Variants in SH3RF1 observed in about 807,000 individuals in gnomAD.
The protein encoded by SH3RF1 is SH3 domain containing ring finger 1.
SH3RF1 carries 32 observed loss-of-function variants against 74.0 expected under a neutral mutation model. The ratio of observed to expected loss-of-function variants is 0.43; its 90% confidence interval spans 0.33 to 0.58. SH3RF1 has a LOEUF of 0.58. SH3RF1 is among the 20% of genes least tolerant of loss of function. The probability of loss-of-function intolerance (pLI) is 0.05; values close to 1 mark genes in which losing one functional copy is unlikely to be tolerated. For missense variants in SH3RF1, 954 were observed against 1,130.9 expected (o/e 0.84, Z 2.24); for synonymous variants, 396 against 439.6 (o/e 0.90, Z 1.24).
intron 2 of SH3RF1, among the ~76,000 whole-genome samples, chr4:169,232,923 A>G (rs1349487304): frequency 7.2e-5 from 11 of 152,158 alleles, no homozygotes. Flanking sequence ...CTGGTTGTAA[A>G]TATCAAGCCT....
chr4:169,130,218 C>T (rs1733592324), intron 5 of SH3RF1, 62 bp from the exon 6 acceptor site: 5 of 1,141,374 alleles, frequency 4.4e-6, no homozygotes, highest in Non-Finnish European at 5.9e-6. Context: ...AATATACTGG[C>T]TAAACCTTAG....
At chr4:169,231,289 TG>T (rs1469764916) in intron 2 of SH3RF1, among the ~76,000 whole-genome samples, 3 of 152,292 alleles carry the variant, frequency 2.0e-5, no homozygotes, top group Non-Finnish European at 4.4e-5. Flanking sequence ...GAAAATAAGT[TG>T]GGTGTGGTGG....
chr4:169,193,429 G>C (rs1279833315), intron 2 of SH3RF1, among the ~76,000 whole-genome samples: 1 of 152,148 alleles, frequency 6.6e-6, no homozygotes, highest in Admixed American at 6.6e-5. Flanking sequence ...TCCACCCCCA[G>C]AGAGTTATTT....
chr4:169,223,309 T>C (rs1232719753), intron 2 of SH3RF1, among the ~76,000 whole-genome samples: 3 of 151,980 alleles, frequency 2.0e-5, no homozygotes, highest in Non-Finnish European at 4.4e-5. Flanking sequence ...GCAGCACATA[T>C]AATAAGAAAT....
chr4:169,150,760 G>A (rs1304521348), intron 4 of SH3RF1, among the ~76,000 whole-genome samples: 1 of 152,150 alleles, frequency 6.6e-6, no homozygotes, highest in African/African-American at 2.4e-5. Flanking sequence ...TGGAAACTGT[G>A]AGGAATCCTG....
At chr4:169,107,307 T>G (rs902756173) in intron 10 of SH3RF1, 102 bp from the exon 11 acceptor site, 2 of 1,146,168 alleles carry the variant, frequency 1.7e-6, no homozygotes, top group Non-Finnish European at 2.4e-6. Context: ...AATTTTTAAT[T>G]TTAATTTTTG....
chr4:169,130,428 G>A (rs1401666207), intron 5 of SH3RF1, among the ~76,000 whole-genome samples: 1 of 152,046 alleles, frequency 6.6e-6, no homozygotes, highest in African/African-American at 2.4e-5. Context: ...GGCTTTCACG[G>A]TAACACATTG....
At chr4:169,135,210 A>C (rs943597885) in intron 5 of SH3RF1, among the ~76,000 whole-genome samples, 1 of 149,476 alleles carries the variant, frequency 6.7e-6, no homozygotes, top group African/African-American at 2.4e-5. Flanking sequence ...GCTGAGAAAA[A>C]AATGGCAAGG....
At chr4:169,130,576 A>G (rs1411988995) in intron 5 of SH3RF1, among the ~76,000 whole-genome samples, 1 of 152,200 alleles carries the variant, frequency 6.6e-6, no homozygotes, top group African/African-American at 2.4e-5. Context: ...TCAATACGTT[A>G]AATCTATGTG....
chr4:169,139,135 G>A (rs1359101819), intron 4 of SH3RF1, among the ~76,000 whole-genome samples: 1 of 152,122 alleles, frequency 6.6e-6, no homozygotes, highest in East Asian at 1.9e-4. Flanking sequence ...TAGCAATGAG[G>A]TCTCATTATG....
At chr4:169,178,512 T>G (rs751663472) in intron 2 of SH3RF1, among the ~76,000 whole-genome samples, 1 of 152,082 alleles carries the variant, frequency 6.6e-6, no homozygotes, top group Admixed American at 6.5e-5. Flanking sequence ...AAGCCAAGAC[T>G]TGGGCCCAGA....
intron 2 of SH3RF1, among the ~76,000 whole-genome samples, chr4:169,200,808 A>G (rs969103976): frequency 1.3e-5 from 2 of 152,212 alleles, no homozygotes; most frequent in Non-Finnish European, 2.9e-5. Context: ...TGAGACAGGT[A>G]TATCAGATTC....
rs114928344 is a variant in SH3RF1 at position 169,235,970 on chromosome 4, C to T, written c.393+32850G>A. Among the ~76,000 whole-genome samples, 678 of 152,294 alleles carry T rather than the reference C, an allele frequency of 4.5e-3. 5 individuals carry two copies. Among genetic ancestry groups the T allele is most frequent in the African/African-American group, 0.015 (618 of 41,548 alleles). ...TGCTGGGATTATAGGCGTGAGCCAC[C>T]GTGCCTGGCCTACTTAATTTCTTTC... On this transcript the variant is annotated intron_variant, in intron 2 of 11. Transcript: ENST00000284637.
chr4:169,154,515 C>T (rs1478029865), intron 4 of SH3RF1, among the ~76,000 whole-genome samples: 1 of 152,162 alleles, frequency 6.6e-6, no homozygotes, highest in African/African-American at 2.4e-5. Flanking sequence ...ATATTTTAAA[C>T]AACCAGATTA....
At chr4:169,203,178 A>G (rs1346541773) in intron 2 of SH3RF1, among the ~76,000 whole-genome samples, 2 of 152,216 alleles carry the variant, frequency 1.3e-5, no homozygotes, top group African/African-American at 4.8e-5. Context: ...ACATTCACAT[A>G]GCTGCTAAAG....
chr4:169,187,509 C>T lies in SH3RF1; in HGVS notation c.394-30830G>A, dbSNP rs182054390. ...AGACTACAGTATATTTTCTTTACAA[C>T]GAATTTCTGTGTGTGTGTGTGTGTG... On this transcript the variant is annotated intron_variant, in intron 2 of 11. Transcript: ENST00000284637. Among the ~76,000 whole-genome samples the T allele has an allele frequency of 3.2e-3, 454 of 140,110 alleles. 4 individuals carry two copies. The highest frequency in any genetic ancestry group is 0.012 in the African/African-American group (439 of 36,922). 91.9% of individuals were successfully genotyped at this position (140,110 alleles called of 152,430 possible). A position where few individuals can be genotyped will look rare whatever the true frequency, so the allele number is the denominator to read the frequency against.
At chr4:169,198,045 T>C (rs978114351) in intron 2 of SH3RF1, among the ~76,000 whole-genome samples, 9 of 152,210 alleles carry the variant, frequency 5.9e-5, no homozygotes, top group South Asian at 2.1e-4. Context: ...CATAATACTA[T>C]TGTGCTTTAA....
chr4:169,178,368 A>AACTATGCTTATTTAAAAAAATAAGCAAC (rs1554007367), intron 2 of SH3RF1, among the ~76,000 whole-genome samples: 106 of 151,196 alleles, frequency 7.0e-4, no homozygotes, highest in Admixed American at 1.3e-3. Context: ...AAAAATAAGC[A>AACTATGCTTATTTAAAAAAATAAGCAAC]TTGTTATGTT....
intron 2 of SH3RF1, among the ~76,000 whole-genome samples, chr4:169,160,954 T>C (rs780435636): frequency 6.6e-6 from 1 of 152,236 alleles, no homozygotes; most frequent in Non-Finnish European, 1.5e-5. Context: ...CTCTCATTCA[T>C]CTCCTTCGAA....
Sources: allele counts gnomAD v4.1 joint callset (sites outside exome capture counted in the v4.1 genomes callset), GRCh38; gene constraint gnomAD v4.1.1; transcripts MANE v1.5; gene names NCBI Gene and HGNC (gene_info 2026-07-23, HGNC 2026-07-21).